C12orf42: variants seen among roughly 807,000 people sequenced by gnomAD.
The protein encoded by C12orf42 is chromosome 12 open reading frame 42, also known as uncharacterized protein C12orf42.
C12orf42 carries 25 observed loss-of-function variants against 21.6 expected under a neutral mutation model. The observed-to-expected ratio is 1.16, with a 90% CI of 0.84 to 1.62. The LOEUF is 1.62. Ranked by LOEUF, C12orf42 falls within the 40% of genes most tolerant of loss-of-function variation. C12orf42 has a pLI of 0.00. For missense variants in C12orf42, 483 were observed against 459.3 expected (o/e 1.05, Z -0.47); for synonymous variants, 174 against 175.0 (o/e 0.99, Z 0.05).
At chr12:103,142,172 T>G in the C12orf42 span, among the ~76,000 whole-genome samples, 1 of 152,218 alleles carries the variant, frequency 6.6e-6, no homozygotes, top group South Asian at 2.1e-4. Flanking sequence ...GCTGTTGTTA[T>G]TTCATTGATG....
At chr12:103,129,015 T>A in the C12orf42 span, among the ~76,000 whole-genome samples, 2 of 152,118 alleles carry the variant, frequency 1.3e-5, no homozygotes, top group African/African-American at 4.8e-5. Context: ...AGCCATATCA[T>A]CCAAATTGAC....
At chr12:103,191,543 C>CAAAAAAAAAAAA in the C12orf42 span, among the ~76,000 whole-genome samples, 8 of 58,104 alleles carry the variant, frequency 1.4e-4, no homozygotes, top group Non-Finnish European at 2.0e-4. Context: ...CTCCACTCTA[C>CAAAAAAAAAAAA]AAAAAAAAAA....
At chr12:103,359,013 G>A (rs75310012) in intron 4 of C12orf42, among the ~76,000 whole-genome samples, 9 of 151,954 alleles carry the variant, frequency 5.9e-5, no homozygotes, top group South Asian at 4.2e-4. Context: ...CTCAAATCAC[G>A]CTACTCTTTT....
In C12orf42 at chr12:103,302,169, C is replaced by T. The variant is rs780503004; in HGVS notation, c.1022G>A (p.Arg341His). 1 of 1,612,880 alleles carries T rather than the reference C, an allele frequency of 6.2e-7. No homozygotes were observed. Among genetic ancestry groups the T allele is most frequent in the Non-Finnish European group, 8.5e-7 (1 of 1,179,482 alleles). Residue 341 changes from arginine (R) to histidine (H), a missense_variant, in exon 6 of 6, where the codon CGT (arginine) becomes CAT (histidine). Physicochemically the swap from Arg to His is conservative, Grantham distance 29. Transcript: ENST00000548883. ...CSSAPPRPTR[R>H]FHTVCSQALS... The stretch of plus-strand genomic sequence containing the variant: ...GGCCTGTGAACAAACCGTATGGAAA[C>T]GCCGGGTTGGGCGGGGGGGTGCTGA...
the C12orf42 span, among the ~76,000 whole-genome samples, chr12:103,166,377 ATATTCT>A: frequency 1.0e-3 from 155 of 152,346 alleles, no homozygotes; most frequent in Middle Eastern, 0.01. Context: ...AAGAAAGGTG[ATATTCT>A]TATTCTCAAG....
At chr12:103,329,466 G>A (rs1442213951) in intron 4 of C12orf42, among the ~76,000 whole-genome samples, 2 of 151,928 alleles carry the variant, frequency 1.3e-5, no homozygotes, top group African/African-American at 4.8e-5. Flanking sequence ...ATTGATAGGT[G>A]CAGCAAACCC....
At chr12:103,096,796 A>C in the C12orf42 span, among the ~76,000 whole-genome samples, 2 of 152,188 alleles carry the variant, frequency 1.3e-5, no homozygotes, top group Admixed American at 6.5e-5. Context: ...GGTTTAACAC[A>C]TGAGGAAGCT....
chr12:103,061,132 G>T, the C12orf42 span, among the ~76,000 whole-genome samples: 1 of 152,032 alleles, frequency 6.6e-6, no homozygotes, highest in Non-Finnish European at 1.5e-5. Flanking sequence ...GTCCCATTAG[G>T]CCTCTATTGA....
At chr12:103,455,134 T>A (rs1330886644) in intron 2 of C12orf42, among the ~76,000 whole-genome samples, 1 of 152,166 alleles carries the variant, frequency 6.6e-6, no homozygotes, top group Non-Finnish European at 1.5e-5. Context: ...AGGAAAGAAC[T>A]CTGTCTTTCT....
chr12:103,545,862 T>C, the C12orf42 span, among the ~76,000 whole-genome samples: 1 of 152,232 alleles, frequency 6.6e-6, no homozygotes, highest in Non-Finnish European at 1.5e-5. Flanking sequence ...AATTATTTCC[T>C]CTCTGTATGA....
At chr12:103,257,971 C>T (rs542264045) in intron 10 of C12orf42, among the ~76,000 whole-genome samples, 11 of 151,954 alleles carry the variant, frequency 7.2e-5, no homozygotes, top group African/African-American at 1.9e-4. Context: ...AGAAAAGTCA[C>T]GTGACTTATA....
intron 2 of C12orf42, among the ~76,000 whole-genome samples, chr12:103,427,577 A>G (rs1156442382): frequency 6.6e-6 from 1 of 152,206 alleles, no homozygotes; most frequent in Non-Finnish European, 1.5e-5. Context: ...AATGAGACAG[A>G]AAATTAACAA....
chr12:103,407,499 T>C (rs1190677547), intron 2 of C12orf42, among the ~76,000 whole-genome samples: 2 of 152,190 alleles, frequency 1.3e-5, no homozygotes, highest in Non-Finnish European at 2.9e-5. Flanking sequence ...ACTTAACAAA[T>C]AGTAAATATA....
chr12:103,131,827 T>C, the C12orf42 span, among the ~76,000 whole-genome samples: 1 of 152,222 alleles, frequency 6.6e-6, no homozygotes, highest in South Asian at 2.1e-4. Flanking sequence ...GTGATGTTAG[T>C]GCGTGGAGTA....
At chr12:103,538,843 G>T in the C12orf42 span, among the ~76,000 whole-genome samples, 1 of 152,092 alleles carries the variant, frequency 6.6e-6, no homozygotes, top group African/African-American at 2.4e-5. Flanking sequence ...AATCCTTATG[G>T]ATCCAAGGAG....
At chr12:103,145,015 T>C in the C12orf42 span, among the ~76,000 whole-genome samples, 15 of 152,282 alleles carry the variant, frequency 9.9e-5, no homozygotes, top group Middle Eastern at 3.4e-3. Flanking sequence ...CCTGGATATA[T>C]TGGGGCTGTC....
the C12orf42 span, chr12:103,503,451 G>T: frequency 6.6e-6 from 1 of 152,374 alleles, no homozygotes; most frequent in South Asian, 2.1e-4. Flanking sequence ...GCACACGTGG[G>T]TCTCAAGACT....
intron 2 of C12orf42, among the ~76,000 whole-genome samples, chr12:103,439,459 A>G (rs1321669250): frequency 1.6e-4 from 17 of 107,522 alleles, no homozygotes; most frequent in Non-Finnish European, 2.5e-4. Flanking sequence ...CTACCATCAG[A>G]GTGAACAGGC....
At chr12:103,138,794 C>T in the C12orf42 span, among the ~76,000 whole-genome samples, 1 of 152,166 alleles carries the variant, frequency 6.6e-6, no homozygotes, top group Non-Finnish European at 1.5e-5. Context: ...TTGCCTTGCT[C>T]ACCCTCTGGC....
Sources: gnomAD v4.1 joint callset for allele counts (sites outside exome capture counted in the v4.1 genomes callset) on GRCh38, gnomAD v4.1.1 for gene constraint, MANE v1.5 for transcripts, NCBI Gene and HGNC (gene_info 2026-07-23, HGNC 2026-07-21) for gene names.